CDYL: variants seen among roughly 807,000 people sequenced by gnomAD.
CDYL encodes chromodomain Y like.
In CDYL, 8 loss-of-function variants were observed where a neutral mutation model predicts 47.3. The ratio of observed to expected loss-of-function variants is 0.17; its 90% CI spans 0.10 to 0.31. The LOEUF (loss-of-function observed/expected upper bound fraction) is 0.31, where lower values mean the gene tolerates loss of function less well. Among genes scored for constraint, CDYL ranks in the 10% least tolerant of loss-of-function variants. The pLI, the probability that CDYL is intolerant of heterozygous loss-of-function variation, is 1.00. For synonymous variants in CDYL, 266 were observed against 265.0 expected (o/e 1.00, Z -0.04); for missense variants, 471 against 701.4 (o/e 0.67, Z 3.71).
intron 2 of CDYL, among the ~76,000 whole-genome samples, chr6:4,716,409 A>G (rs1452842812): frequency 6.7e-6 from 1 of 150,172 alleles, no homozygotes; most frequent in African/African-American, 2.5e-5. Context: ...GCTTCCCTAA[A>G]TAAATTTTTT....
At chr6:4,768,774 A>T (rs13219007) in intron 3 of CDYL, among the ~76,000 whole-genome samples, 3,636 of 152,250 alleles carry the variant, frequency 0.024, 58 homozygotes, top group South Asian at 0.037. Context: ...GAGAACAGTA[A>T]GTTTTCAGTG....
chr6:4,849,093 A>G (rs1227116294), intron 1 of CDYL, among the ~76,000 whole-genome samples: 1 of 152,244 alleles, frequency 6.6e-6, no homozygotes, highest in Admixed American at 6.5e-5. Flanking sequence ...TTAGCTTAGA[A>G]GAGTGGTCTG....
chr6:4,948,635 T>C (rs1758603622), intron 5 of CDYL, among the ~76,000 whole-genome samples: 1 of 152,104 alleles, frequency 6.6e-6, no homozygotes, highest in South Asian at 2.1e-4. Context: ...GCACCCTCCA[T>C]AGCCCACGGG....
intron 2 of CDYL, among the ~76,000 whole-genome samples, chr6:4,931,988 A>G (rs972066267): frequency 1.3e-5 from 2 of 152,198 alleles, no homozygotes; most frequent in African/African-American, 4.8e-5. Flanking sequence ...ATGGCCTAGA[A>G]ATGTTGCTTC....
chr6:4,894,957 A>ATATGTG (rs1581243238), intron 2 of CDYL, among the ~76,000 whole-genome samples: 7 of 38,392 alleles, frequency 1.8e-4, no homozygotes, highest in East Asian at 1.1e-3. Flanking sequence ...GCATGTGTAT[A>ATATGTG]TATACGTATG....
intron 3 of CDYL, among the ~76,000 whole-genome samples, chr6:4,753,942 T>A (rs1043546052): frequency 6.6e-6 from 1 of 152,202 alleles, no homozygotes; most frequent in African/African-American, 2.4e-5. Context: ...ACCCCCTTTT[T>A]CCCTTTGGCA....
intron 1 of CDYL, among the ~76,000 whole-genome samples, chr6:4,830,484 C>T (rs1365602500): frequency 6.6e-6 from 1 of 152,204 alleles, no homozygotes; most frequent in Non-Finnish European, 1.5e-5. Context: ...CACTCCACAA[C>T]TCAGGAATAG....
chr6:4,811,765 CT>C (rs1469326087), intron 1 of CDYL, among the ~76,000 whole-genome samples: 1 of 152,134 alleles, frequency 6.6e-6, no homozygotes, highest in African/African-American at 2.4e-5. Flanking sequence ...GCCACCACCC[CT>C]GGCCTCTCTC....
intron 1 of CDYL, among the ~76,000 whole-genome samples, chr6:4,833,167 A>T (rs1300151321): frequency 1.5e-5 from 2 of 136,688 alleles, no homozygotes; most frequent in Admixed American, 1.4e-4. Flanking sequence ...GTGATGTTAG[A>T]GTGTCAATTT....
intron 3 of CDYL, among the ~76,000 whole-genome samples, chr6:4,751,931 C>T (rs545744337): frequency 2.2e-4 from 34 of 152,296 alleles, no homozygotes; most frequent in African/African-American, 7.5e-4. Context: ...GCTCTGGGCC[C>T]GGCATGAATT....
At chr6:4,914,935 A>G (rs1346767476) in intron 2 of CDYL, among the ~76,000 whole-genome samples, 5 of 152,204 alleles carry the variant, frequency 3.3e-5, no homozygotes, top group Admixed American at 2.6e-4. Context: ...CGAGTCCAGG[A>G]CAGAGCTGGC....
chr6:4,894,853 GTGTA>G (rs1762151922), intron 2 of CDYL, among the ~76,000 whole-genome samples: 1 of 91,336 alleles, frequency 1.1e-5, no homozygotes, highest in South Asian at 5.1e-4. Flanking sequence ...GTGTGTGTGT[GTGTA>G]TATGTGTATA....
intron 1 of CDYL, 73 bp downstream of exon 1, chr6:4,776,880 G>C (rs1260290803): frequency 1.4e-6 from 1 of 698,252 alleles, no homozygotes; most frequent in African/African-American, 2.0e-5. Flanking sequence ...GCCGCCCGAC[G>C]GCCCCGCTCG....
intron 1 of CDYL, among the ~76,000 whole-genome samples, chr6:4,869,537 C>T (rs1210523414): frequency 6.6e-6 from 1 of 152,102 alleles, no homozygotes; most frequent in African/African-American, 2.4e-5. Context: ...TTCCTGCTGC[C>T]TCCTAGTTAA....
rs1482070300 is a variant in CDYL, at chr6:4,943,708, A to T, written c.1284A>T (p.Pro428=). The T allele has an allele frequency of 2.5e-6, 4 of 1,613,430 alleles. No individual in the cohort carries two copies. The highest frequency in any genetic ancestry group is 3.3e-5 in the Admixed American group (2 of 59,956). ...CCTATACCACCTTCGGACAGAGTCC[A>T]GATGGCTGTTCTACCGTTATGTTTC... The part of the protein sequence containing the change: ...QTPYTTFGQS[P]DGCSTVMFPK... Residue 428 remains proline (P), a synonymous_variant, in exon 5 of 7, where the codon CCA becomes CCT. Transcript: ENST00000397588.
chr6:4,735,561 C>T (rs1226928094), intron 3 of CDYL, among the ~76,000 whole-genome samples: 3 of 151,914 alleles, frequency 2.0e-5, no homozygotes, highest in Non-Finnish European at 4.4e-5. Context: ...GAAAGGAGTT[C>T]GAGACCAGCC....
intron 2 of CDYL, among the ~76,000 whole-genome samples, chr6:4,914,079 A>G (rs778311547): frequency 1.3e-4 from 20 of 152,052 alleles, no homozygotes; most frequent in Non-Finnish European, 2.8e-4. Context: ...AGGCTGGGAT[A>G]GGGGCTGCAG....
At chr6:4,945,884 A>G (rs1758499491) in intron 5 of CDYL, among the ~76,000 whole-genome samples, 2 of 152,328 alleles carry the variant, frequency 1.3e-5, no homozygotes, top group Middle Eastern at 3.4e-3. Context: ...GAGGCACCCC[A>G]TGCTGGTGGA....
At chr6:4,942,214 TCCC>T (rs1758379475) in intron 4 of CDYL, among the ~76,000 whole-genome samples, 1 of 152,180 alleles carries the variant, frequency 6.6e-6, no homozygotes, top group Non-Finnish European at 1.5e-5. Flanking sequence ...AATGCAAAGA[TCCC>T]ACAAACCTTG....
Sources: gnomAD v4.1 joint callset for allele counts (sites outside exome capture counted in the v4.1 genomes callset) on GRCh38, gnomAD v4.1.1 for gene constraint, MANE v1.5 for transcripts, NCBI Gene and HGNC (gene_info 2026-07-23, HGNC 2026-07-21) for gene names.